Variants in DGKI observed in about 807,000 individuals in gnomAD.
DGKI encodes the protein DAG kinase iota.
Under a neutral mutation model 147.5 loss-of-function variants are expected in DGKI, and 55 were observed. That is an observed-to-expected ratio of 0.37 (90% confidence interval 0.30 to 0.47). The LOEUF (loss-of-function observed/expected upper bound fraction) is 0.47. DGKI is among the 20% of genes least tolerant of loss of function. The pLI is 1.00. For synonymous variants in DGKI, 469 were observed against 477.1 expected, an observed-to-expected ratio of 0.98 and a Z score of 0.22; for missense variants, 1,007 against 1,323.8, an observed-to-expected ratio of 0.76 and a Z score of 3.71.
chr7:137,582,026 C>A, intron 14 of DGKI, 98 bp from the exon 15 acceptor site: 1 of 865,690 alleles, frequency 1.2e-6, no homozygotes, highest in East Asian at 2.5e-5. Flanking sequence ...GAAGAAGTCC[C>A]TAGGAGACAG....
intron 20 of DGKI, among the ~76,000 whole-genome samples, chr7:137,534,666 TTAAACAACTAAAA>T (rs1817458096): frequency 6.6e-6 from 1 of 152,002 alleles, no homozygotes; most frequent in African/African-American, 2.4e-5. Flanking sequence ...AAAAAATATT[TTAAACAACTAAAA>T]TATTTATATA....
At position 137,809,939 on chromosome 7, in the gene DGKI, G is replaced by GA. The variant is rs1401811264; in HGVS notation, c.401+36522dup. The stretch of plus-strand genomic sequence containing the variant: ...ATCCACATAAGTTAAAAAAAAAGGT[G>GA]AAAAAATTCTCTGGAGTCAGCAGTT... On this transcript the variant is annotated intron_variant, in intron 1 of 32. Transcript: ENST00000614521. Among the ~76,000 whole-genome samples the GA allele has an allele frequency of 3.3e-5, 5 of 152,048 alleles. No homozygotes were observed. In the South Asian group the frequency reaches 1.0e-3, roughly 32 times the overall value.
intron 21 of DGKI, among the ~76,000 whole-genome samples, chr7:137,516,827 T>C (rs754395909): frequency 1.3e-5 from 2 of 152,046 alleles, no homozygotes; most frequent in East Asian, 3.9e-4. Context: ...AGCTCAAATA[T>C]GCAAACTGGA....
At chr7:137,471,132 CAT>C (rs1235169080) in intron 23 of DGKI, among the ~76,000 whole-genome samples, 2 of 152,148 alleles carry the variant, frequency 1.3e-5, no homozygotes, top group Admixed American at 1.3e-4. Context: ...TAGTTTACAA[CAT>C]GTGATTTGGA....
At chr7:137,478,440 T>A (rs1815253593) in intron 23 of DGKI, among the ~76,000 whole-genome samples, 1 of 152,178 alleles carries the variant, frequency 6.6e-6, no homozygotes, top group Non-Finnish European at 1.5e-5. Context: ...TTCAAAAAAA[T>A]AATAATAATT....
intron 1 of DGKI, among the ~76,000 whole-genome samples, chr7:137,807,662 T>C (rs1797424327): frequency 6.6e-6 from 1 of 152,218 alleles, no homozygotes; most frequent in African/African-American, 2.4e-5. Context: ...ACTGCAGCTA[T>C]TGATAGGCCA....
chr7:137,842,186 C>T (rs1042298342), intron 1 of DGKI, among the ~76,000 whole-genome samples: 1 of 152,198 alleles, frequency 6.6e-6, no homozygotes, highest in Non-Finnish European at 1.5e-5. Flanking sequence ...AGGATACATA[C>T]TGATATTCAG....
rs931810509 is a variant in DGKI at position 137,793,881 on chromosome 7, G to A, written c.401+52581C>T. ...CAAATTAGTCCCCTTCCATTCCCAC[G>A]TAACTTACTGAAGATTACCCAACAA... On this transcript the variant is annotated intron_variant, in intron 1 of 32. Transcript: ENST00000614521. Among the ~76,000 whole-genome samples, 20 of 151,954 alleles carry A rather than the reference G, an allele frequency of 1.3e-4. No homozygotes were observed. The South Asian group carries it at 1.7e-3, about 13-fold the overall frequency.
At chr7:137,752,760 C>G (rs559679058) in intron 1 of DGKI, among the ~76,000 whole-genome samples, 1 of 152,238 alleles carries the variant, frequency 6.6e-6, no homozygotes, top group Non-Finnish European at 1.5e-5. Flanking sequence ...GAACAGGAAT[C>G]GCTCACTTGG....
At chr7:137,603,684 C>T (rs1820074708) in intron 10 of DGKI, among the ~76,000 whole-genome samples, 2 of 152,048 alleles carry the variant, frequency 1.3e-5, no homozygotes, top group African/African-American at 4.8e-5. Flanking sequence ...GATTAGAAGG[C>T]GTTGTAAGTA....
At chr7:137,687,781 G>C (rs1276880593) in intron 2 of DGKI, among the ~76,000 whole-genome samples, 1 of 152,136 alleles carries the variant, frequency 6.6e-6, no homozygotes, top group Non-Finnish European at 1.5e-5. Context: ...CTGTCTCAAG[G>C]AAGGGCTTTC....
chr7:137,400,899 C>A (rs1054684177), intron 30 of DGKI, among the ~76,000 whole-genome samples: 1 of 152,208 alleles, frequency 6.6e-6, no homozygotes, highest in African/African-American at 2.4e-5. Flanking sequence ...GCAAAAGTAG[C>A]AGCCAGCTGA....
intron 8 of DGKI, among the ~76,000 whole-genome samples, chr7:137,617,683 C>T (rs953405129): frequency 6.6e-6 from 1 of 151,946 alleles, no homozygotes; most frequent in Non-Finnish European, 1.5e-5. Context: ...AGGGATGCTC[C>T]TGGGGATGGA....
intron 22 of DGKI, 51 bp from the exon 23 acceptor site, chr7:137,485,469 AG>A: frequency 7.0e-7 from 1 of 1,430,786 alleles, no homozygotes; most frequent in Non-Finnish European, 9.6e-7. Flanking sequence ...AGTTTGAACA[AG>A]CTGCCCCACA....
chr7:137,450,520 A>G (rs546842739), intron 27 of DGKI, among the ~76,000 whole-genome samples: 2 of 152,250 alleles, frequency 1.3e-5, no homozygotes, highest in Admixed American at 6.5e-5. Context: ...GGAGTTTGAC[A>G]CCAGCCTGGC....
At chr7:137,634,577 T>A (rs1399709632) in intron 6 of DGKI, among the ~76,000 whole-genome samples, 1 of 152,180 alleles carries the variant, frequency 6.6e-6, no homozygotes, top group African/African-American at 2.4e-5. Context: ...AATCCATTGT[T>A]ATAGTAAGTG....
At chr7:137,631,722 A>G (rs1349491656) in intron 6 of DGKI, among the ~76,000 whole-genome samples, 3 of 151,100 alleles carry the variant, frequency 2.0e-5, no homozygotes, top group East Asian at 3.9e-4. Flanking sequence ...GTGCCTCTTG[A>G]AAATTTGAAC....
At chr7:137,407,030 C>G (rs1811978741) in intron 30 of DGKI, among the ~76,000 whole-genome samples, 2 of 151,560 alleles carry the variant, frequency 1.3e-5, no homozygotes, top group Admixed American at 6.6e-5. Context: ...CAGCCACAGG[C>G]TGACTGTCAG....
intron 20 of DGKI, among the ~76,000 whole-genome samples, chr7:137,545,662 A>G (rs1817839105): frequency 6.6e-6 from 1 of 152,228 alleles, no homozygotes; most frequent in African/African-American, 2.4e-5. Flanking sequence ...CCAGGCAACC[A>G]TGGACCCTAA....
Sources: allele counts gnomAD v4.1 joint callset (sites outside exome capture counted in the v4.1 genomes callset), GRCh38; gene constraint gnomAD v4.1.1; transcripts MANE v1.5; gene names NCBI Gene and HGNC (gene_info 2026-07-23, HGNC 2026-07-21).